Variants in FILIP1L observed in about 807,000 individuals in gnomAD.
FILIP1L encodes the protein filamin A-interacting protein 1-like.
FILIP1L carries 55 observed loss-of-function variants against 96.6 expected under a neutral mutation model. That is an observed-to-expected ratio of 0.57 (90% CI 0.46 to 0.71). The LOEUF (loss-of-function observed/expected upper bound fraction) is 0.71, where lower values mean the gene tolerates loss of function less well. Ranked by LOEUF, FILIP1L falls within the 30% of genes least tolerant of loss-of-function variation. The probability of loss-of-function intolerance (pLI) is 0.00; values close to 1 mark genes in which losing one functional copy is unlikely to be tolerated. For missense variants in FILIP1L, 1,304 were observed against 1,321.2 expected, an observed-to-expected ratio of 0.99 and a Z score of 0.20; for synonymous variants, 467 against 473.9, an observed-to-expected ratio of 0.99 and a Z score of 0.19.
intron 1 of FILIP1L, among the ~76,000 whole-genome samples, chr3:99,983,464 GTATATATA>G (rs1191587665): frequency 0.026 from 330 of 12,666 alleles, 14 homozygotes; most frequent in Middle Eastern, 0.083. Context: ...ATATATGTGT[GTATATATA>G]TATATATATA....
intron 1 of FILIP1L, among the ~76,000 whole-genome samples, chr3:100,067,975 C>A (rs2065694493): frequency 6.6e-6 from 1 of 152,094 alleles, no homozygotes; most frequent in Admixed American, 6.5e-5. Flanking sequence ...CCCAAAGACC[C>A]AAGGCACCTC....
chr3:99,854,469 T>C (rs1576515797), intron 4 of FILIP1L, among the ~76,000 whole-genome samples: 1 of 152,202 alleles, frequency 6.6e-6, no homozygotes, highest in East Asian at 1.9e-4. Context: ...AAGAGCTGTG[T>C]AGTCAAATTA....
intron 1 of FILIP1L, among the ~76,000 whole-genome samples, chr3:100,054,578 A>G (rs1002969542): frequency 1.2e-4 from 18 of 152,054 alleles, no homozygotes; most frequent in African/African-American, 4.4e-4. Flanking sequence ...CCCTGTTGGC[A>G]TTTGAACTAT....
chr3:99,995,349 A>G (rs1334565918), intron 1 of FILIP1L, among the ~76,000 whole-genome samples: 1 of 152,294 alleles, frequency 6.6e-6, no homozygotes, highest in Middle Eastern at 3.4e-3. Context: ...CTGATGTAAG[A>G]GGTGGGTTCC....
At chr3:100,017,818 T>C (rs1710389723) in intron 1 of FILIP1L, among the ~76,000 whole-genome samples, 1 of 152,166 alleles carries the variant, frequency 6.6e-6, no homozygotes, top group Admixed American at 6.5e-5. Flanking sequence ...CTCCTGGTTT[T>C]CAGGTCTTCA....
At chr3:99,968,375 G>C (rs1226905441) in intron 1 of FILIP1L, among the ~76,000 whole-genome samples, 2 of 150,662 alleles carry the variant, frequency 1.3e-5, no homozygotes, top group African/African-American at 4.9e-5. Flanking sequence ...TTGCTGTCTT[G>C]TTTACTGTTG....
chr3:100,078,207 C>A (rs1374854574), intron 1 of FILIP1L, among the ~76,000 whole-genome samples: 3 of 152,044 alleles, frequency 2.0e-5, no homozygotes, highest in African/African-American at 7.3e-5. Flanking sequence ...AGTAAATTAA[C>A]TTTTCAAAGT....
In FILIP1L at chr3:99,938,091, G is replaced by GCA. The variant is rs1491105137; in HGVS notation, c.-10-7062_-10-7061insTG. 4.1e-3 allele frequency among the ~76,000 whole-genome samples: 609 copies of GCA among 150,310 alleles called. 6 individuals carry two copies. Among genetic ancestry groups the GCA allele is most frequent in the African/African-American group, 0.014 (596 of 41,118 alleles). ...TGTGTGTGTGCGCGCGCGCGCGCGC[G>GCA]TGCATGCACACTCGTGCTGGGTGGG... On this transcript the variant is annotated intron_variant, in intron 1 of 5. Transcript: ENST00000477258.
At chr3:99,930,283 G>T (rs746263532) in intron 2 of FILIP1L, among the ~76,000 whole-genome samples, 9 of 152,164 alleles carry the variant, frequency 5.9e-5, no homozygotes, top group South Asian at 2.1e-4. Flanking sequence ...TGTTTGACAA[G>T]CAGATATCAT....
At chr3:99,974,337 TTGTAA>T (rs1428366059) in intron 1 of FILIP1L, among the ~76,000 whole-genome samples, 1 of 152,230 alleles carries the variant, frequency 6.6e-6, no homozygotes, top group Non-Finnish European at 1.5e-5. Flanking sequence ...GGATTTTTCT[TTGTAA>T]GTTTAGTAAA....
chr3:100,005,414 T>C (rs1048212609), intron 1 of FILIP1L, among the ~76,000 whole-genome samples: 5 of 152,170 alleles, frequency 3.3e-5, no homozygotes, highest in African/African-American at 1.2e-4. Context: ...GGAATCTCCT[T>C]GGGTGCTTAT....
At chr3:100,098,557 C>T (rs1224371145) in intron 1 of FILIP1L, among the ~76,000 whole-genome samples, 1 of 152,190 alleles carries the variant, frequency 6.6e-6, no homozygotes, top group Non-Finnish European at 1.5e-5. Flanking sequence ...TTGTATTATT[C>T]ATAATTGAAC....
At chr3:99,869,511 A>G (rs939739618) in intron 4 of FILIP1L, among the ~76,000 whole-genome samples, 19 of 152,174 alleles carry the variant, frequency 1.2e-4, no homozygotes, top group Admixed American at 1.3e-4. Flanking sequence ...CCACAGAGTA[A>G]TTCACTTCTT....
intron 4 of FILIP1L, among the ~76,000 whole-genome samples, chr3:99,865,508 C>T (rs1944468714): frequency 6.6e-6 from 1 of 152,148 alleles, no homozygotes; most frequent in African/African-American, 2.4e-5. Context: ...GATCTTGAGA[C>T]ATTAGCAAAT....
At chr3:99,871,559 G>A (rs1347493059) in intron 4 of FILIP1L, among the ~76,000 whole-genome samples, 1 of 152,138 alleles carries the variant, frequency 6.6e-6, no homozygotes, top group Admixed American at 6.5e-5. Context: ...AATAAAGCAG[G>A]GTAAGTACCA....
Position 99,848,278 on chromosome 3 carries a change from T to TTA in FILIP1L, c.3381+15_3381+16dup. On this transcript the variant is annotated intron_variant, in intron 5 of 5. Coordinates refer to ENST00000477258, the MANE Select transcript of FILIP1L (RefSeq NM_001387850.1). Reference sequence around the variant, plus strand: ...ACTGGATGAGGGTGAGCGTGGTCAGTTATATATATTACTTACTGTAATTTG... The same window carrying TTA: ...ACTGGATGAGGGTGAGCGTGGTCAGTTATATATATATTACTTACTGTAATTTG... 1.9e-6 allele frequency: 3 copies of TTA among 1,613,426 alleles called. No homozygotes were observed. The highest frequency in any genetic ancestry group is 1.7e-5 in the Admixed American group (1 of 59,990).
At chr3:99,954,399 C>A (rs1233075682) in intron 1 of FILIP1L, among the ~76,000 whole-genome samples, 6 of 152,178 alleles carry the variant, frequency 3.9e-5, no homozygotes, top group Non-Finnish European at 7.3e-5. Context: ...ATAATGGCTC[C>A]CAGTTTAACA....
At chr3:99,831,955 C>T (rs954679447) in intron 5 of FILIP1L, among the ~76,000 whole-genome samples, 1 of 152,026 alleles carries the variant, frequency 6.6e-6, no homozygotes, top group East Asian at 1.9e-4. Flanking sequence ...TGTGAAAGGC[C>T]GAGACAGATT....
chr3:100,029,930 G>T (rs1406457989), intron 1 of FILIP1L, among the ~76,000 whole-genome samples: 1 of 152,162 alleles, frequency 6.6e-6, no homozygotes, highest in African/African-American at 2.4e-5. Context: ...GGAACGTTTA[G>T]AAGCAGCCCA....
Sources: allele counts gnomAD v4.1 joint callset (sites outside exome capture counted in the v4.1 genomes callset), GRCh38; gene constraint gnomAD v4.1.1; transcripts MANE v1.5; gene names NCBI Gene and HGNC (gene_info 2026-07-23, HGNC 2026-07-21).